Variants in FAM3D observed in about 807,000 individuals in gnomAD.
FAM3D encodes the protein protein FAM3D.
Under a neutral mutation model 29.8 loss-of-function variants are expected in FAM3D, and 26 were observed. The ratio of observed to expected loss-of-function variants is 0.87; its 90% CI spans 0.64 to 1.21. The LOEUF is 1.21. Ranked by LOEUF, FAM3D falls within the 50% of genes most tolerant of loss-of-function variation. The pLI, the probability that FAM3D is intolerant of heterozygous loss-of-function variation, is 0.00. For missense variants in FAM3D, 253 were observed against 290.9 expected (o/e 0.87, Z 0.95); for synonymous variants, 115 against 102.3 (o/e 1.12, Z -0.75).
At chr3:58,647,351 C>A (rs2066510894) in intron 4 of FAM3D, among the ~76,000 whole-genome samples, 1 of 152,214 alleles carries the variant, frequency 6.6e-6, no homozygotes, top group African/African-American at 2.4e-5. Flanking sequence ...TGGGCAGGAT[C>A]CCTATGAAGG....
intron 6 of FAM3D, among the ~76,000 whole-genome samples, chr3:58,640,948 T>C (rs1048919702): frequency 6.6e-6 from 1 of 152,224 alleles, no homozygotes; most frequent in African/African-American, 2.4e-5. Flanking sequence ...AACGGAATGC[T>C]TCACCTGGGG....
At chr3:58,639,761 T>C (rs1348791001) in intron 7 of FAM3D, among the ~76,000 whole-genome samples, 3 of 152,194 alleles carry the variant, frequency 2.0e-5, no homozygotes, top group Middle Eastern at 3.2e-3. Context: ...CTCCTAGCTC[T>C]GCGGACTGCT....
At chr3:58,658,818 T>C (rs1169071629) in intron 1 of FAM3D, among the ~76,000 whole-genome samples, 4 of 152,298 alleles carry the variant, frequency 2.6e-5, no homozygotes, top group African/African-American at 9.6e-5. Flanking sequence ...TCCCTGGAGA[T>C]GCTAAGCTAG....
chr3:58,657,144 G>A (rs765195842), intron 1 of FAM3D, among the ~76,000 whole-genome samples: 62 of 151,964 alleles, frequency 4.1e-4, no homozygotes, highest in Middle Eastern at 3.2e-3. Flanking sequence ...CTTTGGATGC[G>A]ACCTACAGTC....
chr3:58,653,835 A>G, intron 2 of FAM3D, 54 bp from the exon 3 acceptor site: 1 of 1,386,506 alleles, frequency 7.2e-7, no homozygotes, highest in South Asian at 1.2e-5. Flanking sequence ...CCACATTGCA[A>G]GACCACGTGT....
At chr3:58,648,710 C>A (rs893586656) in intron 4 of FAM3D, among the ~76,000 whole-genome samples, 1 of 152,186 alleles carries the variant, frequency 6.6e-6, no homozygotes, top group Non-Finnish European at 1.5e-5. Context: ...GCCAAGGACT[C>A]CACTGGAGCA....
intron 1 of FAM3D, among the ~76,000 whole-genome samples, chr3:58,663,024 C>G (rs993843303): frequency 1.3e-5 from 2 of 152,300 alleles, no homozygotes; most frequent in African/African-American, 4.8e-5. Context: ...TCAGCCTCCC[C>G]AGTAGCTGGG....
At chr3:58,641,169 C>G (rs2066319759) in intron 6 of FAM3D, among the ~76,000 whole-genome samples, 1 of 152,126 alleles carries the variant, frequency 6.6e-6, no homozygotes, top group South Asian at 2.1e-4. Flanking sequence ...GACACTGAGC[C>G]CCTTACATGA....
chr3:58,655,213 CT>C (rs1249241240), intron 2 of FAM3D, among the ~76,000 whole-genome samples: 1 of 152,142 alleles, frequency 6.6e-6, no homozygotes, highest in East Asian at 1.9e-4. Context: ...ACTAGAAGGC[CT>C]TTGCCTCCCT....
At chr3:58,644,851 G>T (rs2066430871) in intron 5 of FAM3D, among the ~76,000 whole-genome samples, 2 of 152,188 alleles carry the variant, frequency 1.3e-5, no homozygotes, top group African/African-American at 2.4e-5. Context: ...GACATTGTTT[G>T]AATCCCTGGA....
chr3:58,653,669 C>T lies in FAM3D; in HGVS notation c.121+5G>A, dbSNP rs780201218. ...TTCCTGCCCCCAGCAGTGAGCCCCACTCACCCAGCCAGCGTGGCAGACGGA... is the reference window on the plus strand; with the variant it reads ...TTCCTGCCCCCAGCAGTGAGCCCCATTCACCCAGCCAGCGTGGCAGACGGA... On this transcript the variant is annotated splice_donor_5th_base_variant and intron_variant, in intron 3 of 9. Transcript: ENST00000358781. The T allele has an allele frequency of 6.2e-7, 1 of 1,613,232 alleles. No individual in the cohort carries two copies. Among genetic ancestry groups the T allele is most frequent in the Admixed American group, 1.7e-5 (1 of 60,036 alleles).
At chr3:58,655,880 C>A (rs575039473) in intron 1 of FAM3D, among the ~76,000 whole-genome samples, 1 of 152,182 alleles carries the variant, frequency 6.6e-6, no homozygotes, top group African/African-American at 2.4e-5. Flanking sequence ...AAGCCACTGT[C>A]TTTTGGGAGA....
At chr3:58,646,399 G>A (rs569503026) in intron 4 of FAM3D, among the ~76,000 whole-genome samples, 7 of 152,292 alleles carry the variant, frequency 4.6e-5, no homozygotes, top group Admixed American at 1.3e-4. Flanking sequence ...CCTTCACAGG[G>A]TAAATTGGGG....
chr3:58,634,054 A>G lies in FAM3D; in HGVS notation c.*225T>C. The stretch of plus-strand genomic sequence containing the variant: ...GACGAAAGCACCCCATTCTCTCCAC[A>G]GACAGCTGGTTCCAGAAGGACCCTC... On this transcript the variant is annotated 3_prime_UTR_variant, in exon 10 of 10. Transcript: ENST00000358781. The surrounding 1 kb of genome is among the most constrained non-coding windows in gnomAD (Gnocchi z 4.6). 1 of 506,090 alleles carries G rather than the reference A, an allele frequency of 2.0e-6. No individual in the cohort carries two copies. Among genetic ancestry groups the G allele is most frequent in the Non-Finnish European group, 3.5e-6 (1 of 287,018 alleles). The allele number at this position is 506,090 out of a possible 1,614,324, so 31.3% of individuals were successfully genotyped here.
In FAM3D at chr3:58,647,152, C is replaced by G. The variant is rs185842861; in HGVS notation, c.146-1526G>C. 2.1e-3 allele frequency among the ~76,000 whole-genome samples: 327 copies of G among 152,352 alleles called. 10 individuals carry two copies. In the South Asian group the frequency reaches 0.065, roughly 30 times the overall value. Reference sequence around the variant, plus strand: ...AGGAAATGCCTGTCCAGGGCTCCCCCTCTCCTGGTTTCAGCACACACATGT... The same window carrying G: ...AGGAAATGCCTGTCCAGGGCTCCCCGTCTCCTGGTTTCAGCACACACATGT... On this transcript the variant is annotated intron_variant, in intron 4 of 9. Coordinates refer to ENST00000358781, the MANE Select transcript of FAM3D (RefSeq NM_138805.3).
intron 4 of FAM3D, among the ~76,000 whole-genome samples, chr3:58,648,187 T>C (rs2066532553): frequency 6.6e-6 from 1 of 152,252 alleles, no homozygotes; most frequent in African/African-American, 2.4e-5. Flanking sequence ...CTGTGTCCAC[T>C]TCAGAATATG....
At chr3:58,640,843 A>C (rs1293142494) in intron 6 of FAM3D, among the ~76,000 whole-genome samples, 1 of 152,202 alleles carries the variant, frequency 6.6e-6, no homozygotes, top group African/African-American at 2.4e-5. Context: ...TCCGAGGCTT[A>C]CGGAGGAGGG....
intron 1 of FAM3D, among the ~76,000 whole-genome samples, chr3:58,657,003 G>A (rs959744337): frequency 6.6e-6 from 1 of 152,152 alleles, no homozygotes; most frequent in Non-Finnish European, 1.5e-5. Flanking sequence ...CTCCTCTAGG[G>A]CCTTCCAGAT....
intron 1 of FAM3D, among the ~76,000 whole-genome samples, chr3:58,663,645 A>G (rs1203830437): frequency 2.6e-5 from 4 of 152,142 alleles, no homozygotes; most frequent in Non-Finnish European, 5.9e-5. Flanking sequence ...GACCTAAAGA[A>G]TCGGGCCAAC....
Sources: gnomAD v4.1 joint callset for allele counts (sites outside exome capture counted in the v4.1 genomes callset) on GRCh38, gnomAD v4.1.1 for gene constraint, Gnocchi (gnomAD v3.1) non-coding constraint, MANE v1.5 for transcripts, NCBI Gene and HGNC (gene_info 2026-07-23, HGNC 2026-07-21) for gene names.